The following NMNAT2 variants were observed in gnomAD, a reference collection of about 807,000 sequenced individuals.
NMNAT2 encodes the protein nicotinamide nucleotide adenylyltransferase 2.
In NMNAT2, 11 loss-of-function variants were observed where a neutral mutation model predicts 41.6. The observed-to-expected ratio is 0.26, with a 90% CI of 0.17 to 0.44. The LOEUF is 0.44. Among genes scored for constraint, NMNAT2 ranks in the 20% least tolerant of loss-of-function variants. The probability of loss-of-function intolerance (pLI) is 1.00; values close to 1 mark genes in which losing one functional copy is unlikely to be tolerated. For missense variants in NMNAT2, 288 were observed against 407.7 expected, an observed-to-expected ratio of 0.71 and a Z score of 2.53; for synonymous variants, 148 against 151.2, an observed-to-expected ratio of 0.98 and a Z score of 0.16.
chr1:183,372,386 G>A (rs1463014598), intron 1 of NMNAT2, among the ~76,000 whole-genome samples: 1 of 152,192 alleles, frequency 6.6e-6, no homozygotes, highest in Non-Finnish European at 1.5e-5. Context: ...AAAGTCGAAG[G>A]AGAGAACAGC....
At chr1:183,338,149 T>TTAAAAA (rs768790215) in intron 1 of NMNAT2, among the ~76,000 whole-genome samples, 1 of 96,402 alleles carries the variant, frequency 1.0e-5, no homozygotes, top group Non-Finnish European at 1.9e-5. Context: ...CCCATCTCTT[T>TTAAAAA]AAAAAAAAAA....
chr1:183,389,511 C>T (rs1468583582), intron 1 of NMNAT2, among the ~76,000 whole-genome samples: 1 of 151,848 alleles, frequency 6.6e-6, no homozygotes, highest in South Asian at 2.1e-4. Flanking sequence ...ACCAACTTGA[C>T]AGGGCTGTTT....
chr1:183,288,365 G>A (rs967156462), intron 4 of NMNAT2, among the ~76,000 whole-genome samples: 1 of 152,202 alleles, frequency 6.6e-6, no homozygotes, highest in Non-Finnish European at 1.5e-5. Flanking sequence ...CCTCATGCTT[G>A]CTAGGTGTTT....
chr1:183,348,945 G>A (rs936819816), intron 1 of NMNAT2, among the ~76,000 whole-genome samples: 4 of 152,208 alleles, frequency 2.6e-5, no homozygotes, highest in African/African-American at 7.2e-5. Context: ...ACCAGGTTAA[G>A]TCTTTGTCAG....
intron 1 of NMNAT2, among the ~76,000 whole-genome samples, chr1:183,385,598 A>ATT (rs908145581): frequency 6.9e-6 from 1 of 145,362 alleles, no homozygotes. Context: ...AGAGCCTGGA[A>ATT]TTTTTTTTTT....
chr1:183,404,897 G>A (rs1035319432), intron 1 of NMNAT2, among the ~76,000 whole-genome samples: 2 of 152,164 alleles, frequency 1.3e-5, no homozygotes, highest in African/African-American at 4.8e-5. Context: ...AGGCAGGTCA[G>A]ATAGACAAAG....
chr1:183,307,569 A>C (rs753723927), intron 1 of NMNAT2, among the ~76,000 whole-genome samples: 1 of 151,996 alleles, frequency 6.6e-6, no homozygotes, highest in Non-Finnish European at 1.5e-5. Flanking sequence ...CAGCTTACCA[A>C]GTAGCTGGAA....
chr1:183,274,465 C>T (rs1661073078), intron 8 of NMNAT2, among the ~76,000 whole-genome samples: 1 of 151,762 alleles, frequency 6.6e-6, no homozygotes, highest in African/African-American at 2.4e-5. Context: ...GTGCCCGCCA[C>T]CATGCCCGGC....
chr1:183,263,415 G>A (rs1660713251), intron 8 of NMNAT2, among the ~76,000 whole-genome samples: 1 of 152,178 alleles, frequency 6.6e-6, no homozygotes, highest in African/African-American at 2.4e-5. Flanking sequence ...TTAGGATACT[G>A]CACTAGGACT....
At chr1:183,263,122 G>A (rs1660705735) in intron 8 of NMNAT2, among the ~76,000 whole-genome samples, 1 of 152,154 alleles carries the variant, frequency 6.6e-6, no homozygotes, top group Non-Finnish European at 1.5e-5. Context: ...GCTTACAACT[G>A]GACCTAAACT....
At chr1:183,299,881 C>T (rs1661803005) in intron 1 of NMNAT2, among the ~76,000 whole-genome samples, 1 of 152,166 alleles carries the variant, frequency 6.6e-6, no homozygotes, top group East Asian at 1.9e-4. Flanking sequence ...TCAATGTTCT[C>T]ATTTCGATAT....
At chr1:183,280,718 T>C (rs1047674096) in intron 7 of NMNAT2, among the ~76,000 whole-genome samples, 2 of 151,562 alleles carry the variant, frequency 1.3e-5, no homozygotes, top group East Asian at 3.9e-4. Flanking sequence ...TATGAGATTT[T>C]TTTTTGGCGA....
chr1:183,362,994 G>T (rs1287924948), intron 1 of NMNAT2, among the ~76,000 whole-genome samples: 1 of 152,112 alleles, frequency 6.6e-6, no homozygotes. Flanking sequence ...ATTCTGGTGG[G>T]CGTGAAGTGG....
intron 1 of NMNAT2, among the ~76,000 whole-genome samples, chr1:183,299,673 A>G (rs1661797848): frequency 6.6e-6 from 1 of 151,242 alleles, no homozygotes; most frequent in Admixed American, 6.6e-5. Flanking sequence ...AAAAGGTGTT[A>G]AAGGTGTTAA....
At chr1:183,354,777 A>G (rs1432839975) in intron 1 of NMNAT2, among the ~76,000 whole-genome samples, 2 of 152,124 alleles carry the variant, frequency 1.3e-5, no homozygotes, top group Admixed American at 1.3e-4. Flanking sequence ...TATCAGTTTT[A>G]TATTCAAACA....
chr1:183,405,702 T>C (rs1648937058), intron 1 of NMNAT2, among the ~76,000 whole-genome samples: 1 of 152,254 alleles, frequency 6.6e-6, no homozygotes, highest in Admixed American at 6.5e-5. Flanking sequence ...TTTGTTTGTC[T>C]TTTGTAGAGA....
At chr1:183,343,237 A>C (rs1662857630) in intron 1 of NMNAT2, among the ~76,000 whole-genome samples, 1 of 152,174 alleles carries the variant, frequency 6.6e-6, no homozygotes, top group South Asian at 2.1e-4. Flanking sequence ...TCTCAAATAG[A>C]TATCCCTCTT....
chr1:183,390,784 T>C (rs1648460231), intron 1 of NMNAT2, among the ~76,000 whole-genome samples: 1 of 152,168 alleles, frequency 6.6e-6, no homozygotes, highest in South Asian at 2.1e-4. Flanking sequence ...AATTCAACCA[T>C]GTGATGCTGC....
At chr1:183,409,541 C>A (rs929234331) in intron 1 of NMNAT2, among the ~76,000 whole-genome samples, 5 of 151,940 alleles carry the variant, frequency 3.3e-5, no homozygotes, top group Admixed American at 6.6e-5. Context: ...GGTCTCGAAC[C>A]CTTGGCCTCA....
Sources: gnomAD v4.1 joint callset for allele counts (sites outside exome capture counted in the v4.1 genomes callset) on GRCh38, gnomAD v4.1.1 for gene constraint, MANE v1.5 for transcripts, NCBI Gene and HGNC (gene_info 2026-07-23, HGNC 2026-07-21) for gene names.